The following WWOX variants were observed in gnomAD, a reference collection of about 807,000 sequenced individuals.
WWOX encodes WW domain containing oxidoreductase.
WWOX carries 69 observed loss-of-function variants against 46.2 expected under a neutral mutation model. That is an observed-to-expected ratio of 1.49 (90% CI 1.23 to 1.82). The LOEUF (loss-of-function observed/expected upper bound fraction) is 1.82. Among genes scored for constraint, WWOX ranks in the 40% most tolerant of loss-of-function variants. The pLI is 0.00. For missense variants in WWOX, 919 were observed against 542.6 expected (o/e 1.69, Z -6.89); for synonymous variants, 359 against 202.6 (o/e 1.77, Z -6.56).
chr16:79,046,787 G>C (rs1167735476), intron 8 of WWOX, among the ~76,000 whole-genome samples: 1 of 152,106 alleles, frequency 6.6e-6, no homozygotes, highest in Non-Finnish European at 1.5e-5. Context: ...ACTTCACCCT[G>C]CTCTCTTTGT....
intron 8 of WWOX, among the ~76,000 whole-genome samples, chr16:78,614,153 C>G (rs766500419): frequency 2.6e-5 from 4 of 152,196 alleles, no homozygotes; most frequent in Non-Finnish European, 5.9e-5. Flanking sequence ...AATATTCACA[C>G]TCAGTGGGAC....
intron 8 of WWOX, among the ~76,000 whole-genome samples, chr16:78,691,011 T>C (rs986765277): frequency 1.3e-5 from 2 of 152,186 alleles, no homozygotes; most frequent in Non-Finnish European, 2.9e-5. Flanking sequence ...CCTTTGATAA[T>C]CTCCACTAAG....
chr16:78,453,512 G>A (rs1042653622), intron 8 of WWOX, among the ~76,000 whole-genome samples: 2 of 152,134 alleles, frequency 1.3e-5, no homozygotes, highest in African/African-American at 2.4e-5. Context: ...ATGGACGCTT[G>A]TAGACAGTAA....
intron 8 of WWOX, among the ~76,000 whole-genome samples, chr16:78,567,977 G>T (rs962245223): frequency 6.6e-6 from 1 of 152,158 alleles, no homozygotes; most frequent in Admixed American, 6.5e-5. Context: ...TGGAAAATGT[G>T]TTGCCATGTG....
chr16:78,681,501 A>C (rs149445773), intron 8 of WWOX, among the ~76,000 whole-genome samples: 91 of 151,504 alleles, frequency 6.0e-4, no homozygotes, highest in Middle Eastern at 3.4e-3. Context: ...TTTAATTATG[A>C]CTTCAAAAAA....
chr16:78,266,875 C>G (rs111434753), intron 5 of WWOX, among the ~76,000 whole-genome samples: 15,956 of 144,590 alleles, frequency 0.11, 1,045 homozygotes, highest in Admixed American at 0.16. Context: ...TGGCTGTGTC[C>G]CCATCCAAAT....
intron 8 of WWOX, among the ~76,000 whole-genome samples, chr16:79,014,011 G>A (rs180847407): frequency 2.6e-5 from 4 of 152,282 alleles, no homozygotes; most frequent in South Asian, 2.1e-4. Flanking sequence ...GTTGGCATGC[G>A]ATATGCTTCT....
chr16:78,129,358 C>G (rs2033496041), intron 4 of WWOX, among the ~76,000 whole-genome samples: 1 of 152,140 alleles, frequency 6.6e-6, no homozygotes, highest in African/African-American at 2.4e-5. Flanking sequence ...CCTGTTGCTA[C>G]TATAATGGAC....
chr16:79,123,703 G>C (rs945636515), intron 8 of WWOX, among the ~76,000 whole-genome samples: 2 of 152,244 alleles, frequency 1.3e-5, no homozygotes, highest in African/African-American at 4.8e-5. Flanking sequence ...TTACCTGTCA[G>C]CTGTAGGAAC....
chr16:78,555,168 T>TAAAAA (rs10635594), intron 8 of WWOX, among the ~76,000 whole-genome samples: 2 of 128,414 alleles, frequency 1.6e-5, no homozygotes, highest in Admixed American at 8.3e-5. Flanking sequence ...TATGATTTTG[T>TAAAAA]AAAAAAAAAA....
intron 8 of WWOX, among the ~76,000 whole-genome samples, chr16:78,578,124 C>G (rs1345405019): frequency 6.6e-6 from 1 of 151,384 alleles, no homozygotes; most frequent in East Asian, 1.9e-4. Context: ...ATACAAGACA[C>G]TATGCACTAA....
At chr16:78,477,591 G>T (rs1476349428) in intron 8 of WWOX, among the ~76,000 whole-genome samples, 1 of 151,738 alleles carries the variant, frequency 6.6e-6, no homozygotes, top group African/African-American at 2.4e-5. Context: ...ATTTCCAGGG[G>T]AGAATTTCTA....
At chr16:78,757,113 C>A in intron 8 of WWOX, 1 of 687,238 alleles carries the variant, frequency 1.5e-6, no homozygotes, top group South Asian at 1.5e-5. Context: ...TTATTTGAGC[C>A]CCTATCTAGA....
intron 8 of WWOX, among the ~76,000 whole-genome samples, chr16:78,491,107 C>T (rs2084775124): frequency 6.6e-6 from 1 of 152,190 alleles, no homozygotes; most frequent in South Asian, 2.1e-4. Context: ...CCCGAGGCTG[C>T]CTGCCATGCT....
chr16:78,693,602 G>A (rs946371244), intron 8 of WWOX, among the ~76,000 whole-genome samples: 1 of 152,170 alleles, frequency 6.6e-6, no homozygotes, highest in African/African-American at 2.4e-5. Flanking sequence ...TGGAGACAAT[G>A]TCACCTGTCG....
intron 8 of WWOX, among the ~76,000 whole-genome samples, chr16:78,674,050 T>C (rs1427546860): frequency 3.3e-5 from 5 of 152,156 alleles, no homozygotes; most frequent in South Asian, 4.1e-4. Flanking sequence ...GGATTCTCGA[T>C]GGGAACCGAC....
intron 6 of WWOX, among the ~76,000 whole-genome samples, chr16:78,422,702 T>TATATATATATACACACACAC (rs2082966696): frequency 1.0e-5 from 1 of 100,192 alleles, no homozygotes; most frequent in African/African-American, 4.2e-5. Flanking sequence ...CACACACACA[T>TATATATATATACACACACAC]ATATATATAC....
intron 5 of WWOX, among the ~76,000 whole-genome samples, chr16:78,296,611 G>C (rs1224804425): frequency 6.6e-6 from 1 of 151,486 alleles, no homozygotes; most frequent in Non-Finnish European, 1.5e-5. Context: ...ATTATACTCT[G>C]TACACAGGGG....
chr16:78,564,136 G>A (rs1301697596), intron 8 of WWOX, among the ~76,000 whole-genome samples: 1 of 152,208 alleles, frequency 6.6e-6, no homozygotes, highest in African/African-American at 2.4e-5. Flanking sequence ...CACCTGCCCA[G>A]CTGAGCCCAG....
Sources: allele counts gnomAD v4.1 joint callset (sites outside exome capture counted in the v4.1 genomes callset), GRCh38; gene constraint gnomAD v4.1.1; transcripts MANE v1.5; gene names NCBI Gene and HGNC (gene_info 2026-07-23, HGNC 2026-07-21).